The following ERBB4 variants were observed in gnomAD, a reference collection of about 807,000 sequenced individuals.
ERBB4 encodes receptor tyrosine-protein kinase erbB-4.
Under a neutral mutation model 158.0 loss-of-function variants are expected in ERBB4, and 42 were observed. That is an observed-to-expected ratio of 0.27 (90% confidence interval 0.21 to 0.34). The LOEUF is 0.34. ERBB4 is among the 10% of genes least tolerant of loss of function. ERBB4 has a pLI of 1.00. For missense variants in ERBB4, 1,333 were observed against 1,624.1 expected (o/e 0.82, Z 3.08); for synonymous variants, 583 against 558.7 (o/e 1.04, Z -0.61).
intron 3 of ERBB4, among the ~76,000 whole-genome samples, chr2:211,898,892 T>A (rs1031543586): frequency 6.6e-6 from 1 of 152,146 alleles, no homozygotes; most frequent in Non-Finnish European, 1.5e-5. Flanking sequence ...GCTGTATTTA[T>A]AGACCAGTAT....
intron 1 of ERBB4, among the ~76,000 whole-genome samples, chr2:212,457,083 G>A (rs1471667857): frequency 6.6e-6 from 1 of 151,526 alleles, no homozygotes; most frequent in Non-Finnish European, 1.5e-5. Flanking sequence ...AAACGGCAGG[G>A]GTACCTAAAA....
intron 25 of ERBB4, among the ~76,000 whole-genome samples, chr2:211,390,660 C>T (rs1038183861): frequency 4.6e-5 from 7 of 152,146 alleles, no homozygotes; most frequent in East Asian, 1.9e-4. Context: ...GGGACTCTTG[C>T]GGTTAGTCTG....
At chr2:211,938,241 AT>A (rs2080383450) in intron 3 of ERBB4, among the ~76,000 whole-genome samples, 2 of 152,202 alleles carry the variant, frequency 1.3e-5, no homozygotes, top group African/African-American at 4.8e-5. Context: ...TTTTATAATC[AT>A]CTTACAACTG....
chr2:211,788,558 A>G (rs1021346283), intron 3 of ERBB4, among the ~76,000 whole-genome samples: 1 of 152,184 alleles, frequency 6.6e-6, no homozygotes, highest in African/African-American at 2.4e-5. Context: ...TAATGAGAAC[A>G]GGATATGTCA....
intron 12 of ERBB4, among the ~76,000 whole-genome samples, chr2:211,685,688 T>C (rs2072536228): frequency 6.6e-6 from 1 of 152,210 alleles, no homozygotes; most frequent in South Asian, 2.1e-4. Context: ...AGAATTGTAC[T>C]AAAGCTGTAT....
intron 7 of ERBB4, among the ~76,000 whole-genome samples, chr2:211,717,503 C>A (rs1241257846): frequency 6.6e-6 from 1 of 152,096 alleles, no homozygotes; most frequent in Non-Finnish European, 1.5e-5. Context: ...ATAACAATGA[C>A]TAGAATTGTG....
chr2:212,227,303 T>C (rs11694300), intron 1 of ERBB4, among the ~76,000 whole-genome samples: 57,982 of 150,172 alleles, frequency 0.39, 12,927 homozygotes, highest in East Asian at 0.76. Context: ...TAAGCAGCAA[T>C]ATGAACCTCA....
intron 3 of ERBB4, among the ~76,000 whole-genome samples, chr2:211,897,955 G>C (rs1204728346): frequency 2.0e-5 from 3 of 151,588 alleles, no homozygotes; most frequent in African/African-American, 7.3e-5. Context: ...ATAGAGAAGG[G>C]GTCTCACTTT....
chr2:212,441,029 G>A (rs1169811159), intron 1 of ERBB4, among the ~76,000 whole-genome samples: 1 of 152,148 alleles, frequency 6.6e-6, no homozygotes, highest in East Asian at 1.9e-4. Context: ...ATGCTATCAT[G>A]TGAGTGGCTG....
intron 2 of ERBB4, among the ~76,000 whole-genome samples, chr2:212,056,992 TAA>T (rs750615050): frequency 5.3e-5 from 8 of 152,130 alleles, no homozygotes; most frequent in Non-Finnish European, 7.3e-5. Context: ...GCAAATTGGA[TAA>T]AGAGTCAAGA....
chr2:212,356,468 C>G (rs1003086369), intron 1 of ERBB4, among the ~76,000 whole-genome samples: 8 of 151,904 alleles, frequency 5.3e-5, no homozygotes, highest in Admixed American at 4.0e-4. Context: ...TTGTTTTTCT[C>G]AGCTACTCCT....
intron 3 of ERBB4, among the ~76,000 whole-genome samples, chr2:211,910,135 G>T (rs1317626383): frequency 1.3e-5 from 2 of 151,274 alleles, no homozygotes; most frequent in African/African-American, 4.8e-5. Context: ...GCCCAGGTTG[G>T]TCTTGAACTG....
intron 2 of ERBB4, among the ~76,000 whole-genome samples, chr2:212,003,620 A>C (rs1334038483): frequency 6.6e-6 from 1 of 152,202 alleles, no homozygotes; most frequent in Non-Finnish European, 1.5e-5. Flanking sequence ...TTGCACATGA[A>C]AAATATTCTA....
At chr2:211,630,287 A>G (rs1257766168) in intron 17 of ERBB4, among the ~76,000 whole-genome samples, 175 bp downstream of exon 17, 1 of 152,198 alleles carries the variant, frequency 6.6e-6, no homozygotes, top group Non-Finnish European at 1.5e-5. Context: ...AGCCTTGACT[A>G]TTTTTACAAC....
chr2:211,723,537 AAG>A (rs1172672468), intron 6 of ERBB4, among the ~76,000 whole-genome samples: 2 of 152,116 alleles, frequency 1.3e-5, no homozygotes, highest in Non-Finnish European at 2.9e-5. Flanking sequence ...TTGTTTTAGC[AAG>A]CACTTTATCA....
intron 1 of ERBB4, among the ~76,000 whole-genome samples, chr2:212,442,052 C>A (rs2092265212): frequency 6.6e-6 from 1 of 152,066 alleles, no homozygotes; most frequent in Admixed American, 6.6e-5. Context: ...TGCACTCAAC[C>A]ATCAAAGGCA....
At chr2:211,435,579 C>G (rs373795204) in intron 20 of ERBB4, among the ~76,000 whole-genome samples, 16 of 152,184 alleles carry the variant, frequency 1.1e-4, no homozygotes, top group African/African-American at 3.9e-4. Flanking sequence ...GCCAGCATAA[C>G]TGCCAGAGCT....
chr2:211,416,765 G>A (rs137981845), intron 25 of ERBB4, among the ~76,000 whole-genome samples: 86 of 151,038 alleles, frequency 5.7e-4, no homozygotes, highest in Non-Finnish European at 1.0e-3. Flanking sequence ...CCTGCCTATA[G>A]CTTCCCCAGG....
At chr2:212,143,792 C>T (rs926456461) in intron 1 of ERBB4, among the ~76,000 whole-genome samples, 3 of 151,804 alleles carry the variant, frequency 2.0e-5, no homozygotes, top group African/African-American at 4.8e-5. Flanking sequence ...CCGAGGCGGG[C>T]GGATCACAAG....
Sources: allele counts gnomAD v4.1 joint callset (sites outside exome capture counted in the v4.1 genomes callset), GRCh38; gene constraint gnomAD v4.1.1; transcripts MANE v1.5; gene names NCBI Gene and HGNC (gene_info 2026-07-23, HGNC 2026-07-21).